ANXA4: variants seen among roughly 807,000 people sequenced by gnomAD.
ANXA4 encodes the protein 35-beta calcimedin.
A neutral mutation model predicts 49.8 loss-of-function variants in ANXA4; 39 were observed. That is an observed-to-expected ratio of 0.78 (90% CI 0.61 to 1.02). The LOEUF (loss-of-function observed/expected upper bound fraction) is 1.02, where lower values mean the gene tolerates loss of function less well. Among genes scored for constraint, ANXA4 ranks in the 50% least tolerant of loss-of-function variants. The pLI, the probability that ANXA4 is intolerant of heterozygous loss-of-function variation, is 0.00. For synonymous variants in ANXA4, 134 were observed against 152.5 expected, an observed-to-expected ratio of 0.88 and a Z score of 0.89; for missense variants, 360 against 410.1, an observed-to-expected ratio of 0.88 and a Z score of 1.05.
chr2:69,652,735 T>C (rs1244705353), intron 1 of ANXA4, among the ~76,000 whole-genome samples: 3 of 152,086 alleles, frequency 2.0e-5, no homozygotes, highest in Admixed American at 1.3e-4. Context: ...GGCAGGTGCC[T>C]GTAATCCCAG....
At chr2:69,675,072 G>C (rs192223760) in intron 2 of ANXA4, among the ~76,000 whole-genome samples, 144 of 152,162 alleles carry the variant, frequency 9.5e-4, no homozygotes, top group African/African-American at 3.3e-3. Context: ...ACAGGTGCCT[G>C]TCACCATGCC....
At chr2:69,820,943 C>G in intron 12 of ANXA4, 122 bp downstream of exon 12, 3 of 1,071,688 alleles carry the variant, frequency 2.8e-6, no homozygotes, top group Non-Finnish European at 3.9e-6. Flanking sequence ...AGATTATGCT[C>G]CCGATATTTC....
At chr2:69,745,852 A>G (rs546939609) in intron 1 of ANXA4, among the ~76,000 whole-genome samples, 1 of 151,998 alleles carries the variant, frequency 6.6e-6, no homozygotes, top group Non-Finnish European at 1.5e-5. Flanking sequence ...CTTTAGAAAC[A>G]CTTATATGAA....
At position 69,801,882 on chromosome 2, in the gene ANXA4, G is replaced by A. The variant is rs542285453; in HGVS notation, c.98-2651G>A. On this transcript the variant is annotated intron_variant, in intron 3 of 12. Coordinates refer to ENST00000394295, the MANE Select transcript of ANXA4 (RefSeq NM_001153.5). ...ACAGACATGCGGGAATGACCCACAG[G>A]CACTGGCTGGGAAACAACATATGAC... Among the ~76,000 whole-genome samples the A allele has an allele frequency of 2.6e-5, 4 of 152,298 alleles. No homozygotes were observed. The South Asian group carries it at 8.3e-4, about 32-fold the overall frequency.
chr2:69,689,290 T>C (rs1677887712), intron 2 of ANXA4, among the ~76,000 whole-genome samples: 2 of 151,830 alleles, frequency 1.3e-5, no homozygotes, highest in African/African-American at 2.4e-5. Flanking sequence ...GTCTTACTAT[T>C]TTGCCCAGGC....
chr2:69,735,795 C>T (rs1227834974), intron 3 of ANXA4, among the ~76,000 whole-genome samples: 2 of 152,090 alleles, frequency 1.3e-5, no homozygotes, highest in African/African-American at 4.8e-5. Context: ...TCTCATGATT[C>T]TGGTGATTGA....
chr2:69,813,659 G>A (rs1245886710), intron 8 of ANXA4, among the ~76,000 whole-genome samples: 1 of 151,962 alleles, frequency 6.6e-6, no homozygotes, highest in Non-Finnish European at 1.5e-5. Flanking sequence ...GCTCAGAGAG[G>A]TCAAGTACCT....
chr2:69,644,220 G>A (rs1250385489), upstream of ANXA4, among the ~76,000 whole-genome samples: 3 of 128,584 alleles, frequency 2.3e-5, no homozygotes, highest in African/African-American at 6.0e-5. Flanking sequence ...TCTTATTTGC[G>A]GCCTGGCCTC....
rs555772258 is a variant in ANXA4 at position 69,816,265 on chromosome 2, T to A, written c.628+71T>A. On this transcript the variant is annotated intron_variant, in intron 9 of 12. Transcript: ENST00000394295. The stretch of plus-strand genomic sequence containing the variant: ...CAAAAACTATATTGCCCATAAGTAG[T>A]TGATAACCTTCCTCCTTCAGTTGGT... The A allele has an allele frequency of 2.3e-5, 29 of 1,260,512 alleles. No homozygotes were observed. The South Asian group carries it at 3.6e-4, about 15-fold the overall frequency. The allele number at this position is 1,260,512 out of a possible 1,614,324, so 78.1% of individuals were successfully genotyped here.
In ANXA4 at chr2:69,794,522, A is replaced by ATTATGTTATGTTATGTTATGTTATG. The variant is rs58396740; in HGVS notation, c.97+6411_97+6435dup. Reference sequence around the variant, plus strand: ...GTTATGTTATATTATGTTATGTTATATTATGTTATGTTATGTTATGTTATG... The same window carrying ATTATGTTATGTTATGTTATGTTATG: ...GTTATGTTATATTATGTTATGTTATATTATGTTATGTTATGTTATGTTATGTTATGTTATGTTATGTTATGTTATG... On this transcript the variant is annotated intron_variant, in intron 3 of 12. Coordinates refer to ENST00000394295, the MANE Select transcript of ANXA4 (RefSeq NM_001153.5). Among the ~76,000 whole-genome samples, 674 of 126,348 alleles carry ATTATGTTATGTTATGTTATGTTATG rather than the reference A, an allele frequency of 5.3e-3. 11 individuals are homozygous for ATTATGTTATGTTATGTTATGTTATG. Among genetic ancestry groups the ATTATGTTATGTTATGTTATGTTATG allele is most frequent in the Middle Eastern group, 7.8e-3 (2 of 256 alleles). 82.9% of individuals were successfully genotyped at this position (126,348 alleles called of 152,430 possible).
At chr2:69,791,922 A>G (rs1672709921) in intron 3 of ANXA4, among the ~76,000 whole-genome samples, 3 of 152,268 alleles carry the variant, frequency 2.0e-5, no homozygotes. Flanking sequence ...TAATTGTAAT[A>G]GCACATATTC....
At chr2:69,701,659 A>G (rs747285975) in intron 2 of ANXA4, among the ~76,000 whole-genome samples, 14 of 152,268 alleles carry the variant, frequency 9.2e-5, no homozygotes, top group East Asian at 1.9e-4. Context: ...CCACCACAGC[A>G]AGTAGGTCCA....
rs1676174015 is a variant in ANXA4, at chr2:69,650,048, ACCTCAG to A, written n.482-2945_482-2940del. Among the ~76,000 whole-genome samples, 3 of 138,422 alleles carry A rather than the reference ACCTCAG, an allele frequency of 2.2e-5. No individual in the cohort carries two copies. The South Asian group carries it at 6.9e-4, about 32-fold the overall frequency. The allele number at this position is 138,422 out of a possible 152,430, so 90.8% of individuals were successfully genotyped here. ...CCTCCCGGGTTCAAGAGATTCTCCCACCTCAGCCTCTTGAATAGCTGGGATTACAAG... is the reference window on the plus strand; with the variant it reads ...CCTCCCGGGTTCAAGAGATTCTCCCACCTCTTGAATAGCTGGGATTACAAG... On this transcript the variant is annotated intron_variant and non_coding_transcript_variant, in intron 1 of 3. Transcript: ENST00000418066.
chr2:69,716,449 G>A (rs996109133), intron 2 of ANXA4, among the ~76,000 whole-genome samples: 18 of 152,168 alleles, frequency 1.2e-4, no homozygotes, highest in African/African-American at 4.3e-4. Context: ...GAGGAACTGC[G>A]AGCAGCTCAG....
At chr2:69,658,343 T>G (rs1346455979) in intron 2 of ANXA4, among the ~76,000 whole-genome samples, 1 of 145,530 alleles carries the variant, frequency 6.9e-6, no homozygotes, top group Non-Finnish European at 1.5e-5. Context: ...GAGGCTGCAG[T>G]GAGCTGAGAT....
At chr2:69,647,007 A>G (rs1173653594) in intron 1 of ANXA4, among the ~76,000 whole-genome samples, 3 of 152,228 alleles carry the variant, frequency 2.0e-5, no homozygotes, top group Admixed American at 6.5e-5. Flanking sequence ...ATGCATTTAA[A>G]TGTTAAATCT....
intron 2 of ANXA4, among the ~76,000 whole-genome samples, chr2:69,654,730 G>A (rs189637502): frequency 6.6e-6 from 1 of 152,204 alleles, no homozygotes; most frequent in Admixed American, 6.5e-5. Context: ...ACAATCCTAA[G>A]CAAAAAGAAC....
intron 3 of ANXA4, among the ~76,000 whole-genome samples, chr2:69,788,347 C>T (rs1372036877): frequency 1.3e-5 from 2 of 152,048 alleles, no homozygotes; most frequent in African/African-American, 4.8e-5. Context: ...CGAGACAAGC[C>T]TGGCCAACAT....
intron 3 of ANXA4, among the ~76,000 whole-genome samples, chr2:69,721,894 G>A (rs80088016): frequency 0.018 from 2,787 of 152,226 alleles, 92 homozygotes; most frequent in African/African-American, 0.064. Flanking sequence ...AGGAGAAACA[G>A]CAAGTTAGGA....
Sources: allele counts gnomAD v4.1 joint callset (sites outside exome capture counted in the v4.1 genomes callset), GRCh38; gene constraint gnomAD v4.1.1; transcripts MANE v1.5; gene names NCBI Gene and HGNC (gene_info 2026-07-23, HGNC 2026-07-21).